SUSD1: variants seen among roughly 807,000 people sequenced by gnomAD.
SUSD1 encodes sushi domain containing 1.
SUSD1 carries 65 observed loss-of-function variants against 86.9 expected under a neutral mutation model. The observed-to-expected ratio is 0.75, with a 90% CI of 0.61 to 0.92. SUSD1 has a LOEUF of 0.92. Among genes scored for constraint, SUSD1 ranks in the 40% least tolerant of loss-of-function variants. SUSD1 has a pLI of 0.00. For missense variants in SUSD1, 850 were observed against 929.7 expected (o/e 0.91, Z 1.11); for synonymous variants, 346 against 350.0 (o/e 0.99, Z 0.13).
chr9:112,074,235 AG>A (rs1829413433), intron 12 of SUSD1, among the ~76,000 whole-genome samples: 1 of 152,144 alleles, frequency 6.6e-6, no homozygotes, highest in Non-Finnish European at 1.5e-5. Flanking sequence ...AAAAAGAAAA[AG>A]AAAATAGCAC....
intron 1 of SUSD1, among the ~76,000 whole-genome samples, chr9:112,170,859 A>G (rs1197294888): frequency 6.6e-6 from 1 of 151,740 alleles, no homozygotes; most frequent in Non-Finnish European, 1.5e-5. Flanking sequence ...ACAAGCGCCC[A>G]CCACCAGGCC....
intron 11 of SUSD1, among the ~76,000 whole-genome samples, chr9:112,079,210 C>T (rs756159764): frequency 6.6e-5 from 10 of 151,810 alleles, no homozygotes; most frequent in Non-Finnish European, 1.5e-4. Flanking sequence ...ATTAGAGTTG[C>T]AATACTATAA....
At chr9:112,093,436 G>A (rs993419258) in intron 10 of SUSD1, among the ~76,000 whole-genome samples, 4 of 152,112 alleles carry the variant, frequency 2.6e-5, no homozygotes, top group Non-Finnish European at 4.4e-5. Context: ...TCTGCTTTTC[G>A]GCCTGAGACT....
At chr9:112,057,556 A>G (rs1828507053) in intron 14 of SUSD1, among the ~76,000 whole-genome samples, 1 of 152,156 alleles carries the variant, frequency 6.6e-6, no homozygotes, top group African/African-American at 2.4e-5. Flanking sequence ...TTCCTCCATT[A>G]TTGTCACAAA....
intron 5 of SUSD1, among the ~76,000 whole-genome samples, chr9:112,135,648 A>T (rs1460932590): frequency 6.6e-6 from 1 of 152,330 alleles, no homozygotes. Flanking sequence ...ATAAATAAAT[A>T]AGGTAAAGTA....
At chr9:112,071,709 T>G in intron 12 of SUSD1, among the ~76,000 whole-genome samples, 1 of 152,094 alleles carries the variant, frequency 6.6e-6, no homozygotes, top group East Asian at 1.9e-4. Context: ...ACTGCAAACT[T>G]CAAGTAAACA....
intron 1 of SUSD1, among the ~76,000 whole-genome samples, chr9:112,172,518 A>T (rs1233867080): frequency 1.3e-5 from 2 of 152,186 alleles, no homozygotes; most frequent in Non-Finnish European, 2.9e-5. Flanking sequence ...CAAGGTTTCA[A>T]GCAACCATCA....
chr9:112,142,975 T>C (rs1354481952), intron 4 of SUSD1, among the ~76,000 whole-genome samples: 37 of 98,548 alleles, frequency 3.8e-4, no homozygotes, highest in African/African-American at 1.8e-3. Context: ...TTTTTTTTTT[T>C]TTTTTTTTTT....
chr9:112,139,651 C>T (rs1366176543), intron 5 of SUSD1, among the ~76,000 whole-genome samples: 1 of 151,814 alleles, frequency 6.6e-6, no homozygotes, highest in East Asian at 1.9e-4. Context: ...CCTGCCTGGG[C>T]CTCCCAGAGT....
At chr9:112,121,562 T>G (rs945282036) in intron 6 of SUSD1, among the ~76,000 whole-genome samples, 4 of 152,192 alleles carry the variant, frequency 2.6e-5, no homozygotes, top group African/African-American at 4.8e-5. Context: ...TTTCCTCAAA[T>G]TCCCATCCCC....
At chr9:112,123,716 C>T (rs968145128) in intron 6 of SUSD1, among the ~76,000 whole-genome samples, 6 of 152,056 alleles carry the variant, frequency 3.9e-5, no homozygotes, top group South Asian at 2.1e-4. Context: ...AGGCGAATCA[C>T]TTGGTCACTG....
At chr9:112,112,692 C>T (rs758543510) in intron 7 of SUSD1, 79 bp downstream of exon 7, 14 of 921,968 alleles carry the variant, frequency 1.5e-5, no homozygotes, top group African/African-American at 3.3e-5. Flanking sequence ...GAAGCTCTCA[C>T]GGAAGCAAGT....
In SUSD1 at chr9:112,113,787, C is replaced by T. The variant is rs900210202; in HGVS notation, c.887-919G>A. On this transcript the variant is annotated intron_variant, in intron 6 of 16. Coordinates refer to ENST00000374270, the MANE Select transcript of SUSD1 (RefSeq NM_022486.5). The surrounding 1 kb of genome is among the most constrained non-coding windows in gnomAD (Gnocchi z 4.1). ...TCTCTACTAAAAATACAAAACTTAG[C>T]GGTGCACGGTGGCACATGCCTGTAA... Among the ~76,000 whole-genome samples, 3 of 151,948 alleles carry T rather than the reference C, an allele frequency of 2.0e-5. No individual in the cohort carries two copies. Among genetic ancestry groups the T allele is most frequent in the African/African-American group, 7.3e-5 (3 of 41,350 alleles).
chr9:112,044,990 A>AAAAACATGATT (rs1415223624), intron 15 of SUSD1, among the ~76,000 whole-genome samples: 1 of 152,248 alleles, frequency 6.6e-6, no homozygotes, highest in Non-Finnish European at 1.5e-5. Context: ...AAATCACATG[A>AAAAACATGATT]AAAACATGAT....
In SUSD1 at chr9:112,143,460, C is replaced by T. The variant is rs1355381521; in HGVS notation, c.526+11G>A. The T allele has an allele frequency of 2.5e-6, 4 of 1,608,898 alleles. No individual in the cohort carries two copies. Among genetic ancestry groups the T allele is most frequent in the Admixed American group, 1.7e-5 (1 of 58,882 alleles). On this transcript the variant is annotated intron_variant, in intron 4 of 16. Coordinates refer to ENST00000374270, the MANE Select transcript of SUSD1 (RefSeq NM_022486.5). ...CACGTTGAGATGCCGCAATTTTTGG[C>T]AGAAACCCACCTGTGCATGATGTGG...
At chr9:112,103,706 C>T (rs1336579052) in intron 8 of SUSD1, among the ~76,000 whole-genome samples, 2 of 152,134 alleles carry the variant, frequency 1.3e-5, no homozygotes, top group African/African-American at 2.4e-5. Context: ...AAAGAAGGGT[C>T]GGTTGCCATA....
rs115863578 is a variant in SUSD1, at chr9:112,150,541, C to G, written c.218-1142G>C. ...ATTTTTATTTTACAGTCATATGTCA[C>G]TTAATGATGGGGACACATACTGAGG... On this transcript the variant is annotated intron_variant, in intron 2 of 16. Coordinates refer to ENST00000374270, the MANE Select transcript of SUSD1 (RefSeq NM_022486.5). 4.2e-3 allele frequency among the ~76,000 whole-genome samples: 638 copies of G among 152,254 alleles called. 3 individuals are homozygous for G. The highest frequency in any genetic ancestry group is 0.015 in the African/African-American group (620 of 41,532).
chr9:112,051,842 A>T (rs895370633), intron 15 of SUSD1, among the ~76,000 whole-genome samples: 1 of 151,968 alleles, frequency 6.6e-6, no homozygotes, highest in African/African-American at 2.4e-5. Flanking sequence ...TCTCCCTTTC[A>T]TTGCAAACCT....
At chr9:112,102,910 A>C (rs1830685843) in intron 8 of SUSD1, among the ~76,000 whole-genome samples, 1 of 152,244 alleles carries the variant, frequency 6.6e-6, no homozygotes. Flanking sequence ...AAGTCATTTC[A>C]TACCTCCTGC....
Sources: gnomAD v4.1 joint callset for allele counts (sites outside exome capture counted in the v4.1 genomes callset) on GRCh38, gnomAD v4.1.1 for gene constraint, Gnocchi (gnomAD v3.1) non-coding constraint, MANE v1.5 for transcripts, NCBI Gene and HGNC (gene_info 2026-07-23, HGNC 2026-07-21) for gene names.